DPP6: variants seen among roughly 807,000 people sequenced by gnomAD.
DPP6 encodes the protein dipeptidyl peptidase like 6.
DPP6 carries 69 observed loss-of-function variants against 122.6 expected under a neutral mutation model. That is an observed-to-expected ratio of 0.56 (90% CI 0.46 to 0.69). The LOEUF is 0.69. Among genes scored for constraint, DPP6 ranks in the 30% least tolerant of loss-of-function variants. The probability of loss-of-function intolerance (pLI) is 0.00; values close to 1 mark genes in which losing one functional copy is unlikely to be tolerated. For missense variants in DPP6, 928 were observed against 1,116.9 expected, an observed-to-expected ratio of 0.83 and a Z score of 2.41; for synonymous variants, 418 against 433.1, an observed-to-expected ratio of 0.97 and a Z score of 0.43.
At chr7:154,834,099 C>T (rs1356581036) in intron 16 of DPP6, among the ~76,000 whole-genome samples, 1 of 152,082 alleles carries the variant, frequency 6.6e-6, no homozygotes, top group Non-Finnish European at 1.5e-5. Context: ...CTCAGCCTCC[C>T]CTAGCTCATA....
At chr7:154,207,676 C>G (rs1489165028) in intron 1 of DPP6, among the ~76,000 whole-genome samples, 1 of 152,188 alleles carries the variant, frequency 6.6e-6, no homozygotes, top group African/African-American at 2.4e-5. Context: ...TGTAAACAAA[C>G]CTAGAGCAAT....
intron 1 of DPP6, among the ~76,000 whole-genome samples, chr7:154,444,322 A>G (rs1819674270): frequency 6.6e-6 from 1 of 151,634 alleles, no homozygotes; most frequent in Non-Finnish European, 1.5e-5. Context: ...AAAATTAGCC[A>G]GGTGTGATTG....
chr7:154,738,256 G>A (rs1011056216), intron 8 of DPP6, among the ~76,000 whole-genome samples: 1 of 152,188 alleles, frequency 6.6e-6, no homozygotes, highest in African/African-American at 2.4e-5. Context: ...CAGCAAACAG[G>A]AGATAAAAGG....
chr7:154,490,147 A>G (rs1303591098), intron 3 of DPP6, among the ~76,000 whole-genome samples: 1 of 152,242 alleles, frequency 6.6e-6, no homozygotes, highest in African/African-American at 2.4e-5. Flanking sequence ...TACTTTGAAA[A>G]TGCTTCTGAC....
chr7:154,446,534 G>T (rs572846234), intron 2 of DPP6, among the ~76,000 whole-genome samples: 2 of 152,106 alleles, frequency 1.3e-5, no homozygotes, highest in African/African-American at 2.4e-5. Flanking sequence ...TGTTTACTAC[G>T]TGGAAATGCT....
At chr7:154,406,530 C>A (rs1191943949) in intron 1 of DPP6, among the ~76,000 whole-genome samples, 2 of 152,004 alleles carry the variant, frequency 1.3e-5, no homozygotes, top group Non-Finnish European at 2.9e-5. Flanking sequence ...CACAAATGCA[C>A]ACACACACGC....
chr7:154,574,874 T>TTG (rs1196127245), intron 5 of DPP6, among the ~76,000 whole-genome samples: 3 of 125,750 alleles, frequency 2.4e-5, no homozygotes, highest in East Asian at 2.6e-4. Context: ...TGTTTGTGTG[T>TTG]TGTGTGTGTG....
At chr7:154,583,036 A>G (rs113020795) in intron 5 of DPP6, among the ~76,000 whole-genome samples, 4,151 of 152,222 alleles carry the variant, frequency 0.027, 76 homozygotes, top group East Asian at 0.085. Flanking sequence ...CCTGCTCTTG[A>G]TGGGGGCTCT....
chr7:154,670,719 C>T (rs1434348822), intron 7 of DPP6, among the ~76,000 whole-genome samples: 3 of 152,100 alleles, frequency 2.0e-5, no homozygotes, highest in East Asian at 1.9e-4. Flanking sequence ...AAAAAATGAT[C>T]GTATCTAAAA....
intron 1 of DPP6, among the ~76,000 whole-genome samples, chr7:154,279,137 CTATG>C (rs567213337): frequency 0.027 from 4,081 of 149,006 alleles, 181 homozygotes; most frequent in African/African-American, 0.093. Context: ...GTGTGTGTAT[CTATG>C]TGTGTGTGCA....
chr7:154,200,515 T>C (rs2150784364), intron 1 of DPP6, among the ~76,000 whole-genome samples: 1 of 152,154 alleles, frequency 6.6e-6, no homozygotes, highest in South Asian at 2.1e-4. Context: ...GGAAAAGGTT[T>C]GAGGGGCATT....
At chr7:154,156,293 C>T (rs1796676672) in intron 1 of DPP6, among the ~76,000 whole-genome samples, 1 of 152,264 alleles carries the variant, frequency 6.6e-6, no homozygotes, top group African/African-American at 2.4e-5. Context: ...CAGTGCTGGC[C>T]TGTTCATTTT....
intron 3 of DPP6, among the ~76,000 whole-genome samples, chr7:154,517,099 G>A (rs183773978): frequency 6.8e-4 from 104 of 152,296 alleles, no homozygotes; most frequent in African/African-American, 2.3e-3. Flanking sequence ...TGATCCAAGG[G>A]CTGGGAGATG....
At chr7:154,638,277 C>G (rs1450935915) in intron 6 of DPP6, among the ~76,000 whole-genome samples, 1 of 152,212 alleles carries the variant, frequency 6.6e-6, no homozygotes, top group African/African-American at 2.4e-5. Context: ...ATAGAAGCCT[C>G]TCTCAGCCCA....
At chr7:154,226,475 A>G (rs1800610143) in intron 1 of DPP6, among the ~76,000 whole-genome samples, 1 of 152,192 alleles carries the variant, frequency 6.6e-6, no homozygotes, top group Non-Finnish European at 1.5e-5. Flanking sequence ...CATCACTGTC[A>G]AGGGATTACT....
At position 154,127,622 on chromosome 7, in the gene DPP6, C is replaced by G. The variant is rs866907028; in HGVS notation, c.243+74559C>G. Among the ~76,000 whole-genome samples, 131 of 121,238 alleles carry G rather than the reference C, an allele frequency of 1.1e-3. 1 individual carries two copies. Among genetic ancestry groups the G allele is most frequent in the African/African-American group, 4.4e-3 (116 of 26,278 alleles). The allele number at this position is 121,238 out of a possible 152,430, so 79.5% of individuals were successfully genotyped here. On this transcript the variant is annotated intron_variant, in intron 1 of 25. Transcript: ENST00000377770. ...TCACACACACACACACACACACACA[C>G]ACACACACACAGACACACACACACA...
At chr7:154,236,517 G>A (rs1486652058) in intron 1 of DPP6, among the ~76,000 whole-genome samples, 1 of 152,132 alleles carries the variant, frequency 6.6e-6, no homozygotes, top group Non-Finnish European at 1.5e-5. Context: ...CTTAGCCCCT[G>A]ATGAAAGATT....
chr7:154,767,779 C>A (rs918522762), intron 8 of DPP6, among the ~76,000 whole-genome samples: 1 of 152,056 alleles, frequency 6.6e-6, no homozygotes, highest in African/African-American at 2.4e-5. Context: ...CTCCATACTC[C>A]GGGATGCACC....
intron 1 of DPP6, among the ~76,000 whole-genome samples, chr7:154,343,995 C>T (rs952066640): frequency 1.3e-5 from 2 of 152,072 alleles, no homozygotes; most frequent in Non-Finnish European, 2.9e-5. Context: ...GGATTATAGG[C>T]GTGAGCCACC....
Sources: allele counts gnomAD v4.1 joint callset (sites outside exome capture counted in the v4.1 genomes callset), GRCh38; gene constraint gnomAD v4.1.1; transcripts MANE v1.5; gene names NCBI Gene and HGNC (gene_info 2026-07-23, HGNC 2026-07-21).